ALPK2: variants seen among roughly 807,000 people sequenced by gnomAD.
ALPK2 encodes alpha kinase 2.
ALPK2 carries 127 observed loss-of-function variants against 163.1 expected under a neutral mutation model. That is an observed-to-expected ratio of 0.78 (90% CI 0.67 to 0.90). ALPK2 has a LOEUF of 0.90. Ranked by LOEUF, ALPK2 falls within the 40% of genes least tolerant of loss-of-function variation. The pLI is 0.00. For synonymous variants in ALPK2, 953 were observed against 959.1 expected (o/e 0.99, Z 0.12); for missense variants, 2,360 against 2,589.6 (o/e 0.91, Z 1.92).
intron 8 of ALPK2, among the ~76,000 whole-genome samples, chr18:58,519,872 G>C (rs1175796888): frequency 6.6e-6 from 1 of 152,180 alleles, no homozygotes; most frequent in East Asian, 1.9e-4. Flanking sequence ...CGTCCTCTTG[G>C]TTAGAGTTTG....
intron 12 of ALPK2, among the ~76,000 whole-genome samples, chr18:58,497,667 C>G (rs2051407733): frequency 6.6e-6 from 1 of 151,962 alleles, no homozygotes; most frequent in Non-Finnish European, 1.5e-5. Flanking sequence ...TCACTGCATT[C>G]AATTGCAAAA....
intron 2 of ALPK2, among the ~76,000 whole-genome samples, chr18:58,607,979 C>T (rs191621735): frequency 1.6e-4 from 24 of 152,300 alleles, no homozygotes; most frequent in Admixed American, 1.3e-4. Flanking sequence ...CAGTGCTACA[C>T]CTAACCCAGC....
In ALPK2 at chr18:58,579,708, T is replaced by TA. The variant is rs756508755; in HGVS notation, c.1067dup (p.Leu356PhefsTer6). 15 of 1,614,096 alleles carry TA rather than the reference T, an allele frequency of 9.3e-6. No homozygotes were observed. The African/African-American group carries it at 1.3e-4, about 14-fold the overall frequency. Reference sequence around the variant, plus strand: ...CCATCTCTTCGTCATCGCTTTCTAATAAAAAAACATGCTCAGTCCCCAGCA... The same window carrying TA: ...CCATCTCTTCGTCATCGCTTTCTAATAAAAAAAACATGCTCAGTCCCCAGCA... On this transcript the variant is annotated frameshift_variant, in exon 4 of 13. Coordinates refer to ENST00000361673, the MANE Select transcript of ALPK2 (RefSeq NM_052947.4). LOFTEE classifies it high-confidence loss of function.
intron 6 of ALPK2, among the ~76,000 whole-genome samples, chr18:58,524,869 G>A (rs936536817): frequency 4.1e-5 from 6 of 147,520 alleles, no homozygotes; most frequent in South Asian, 2.1e-4. Flanking sequence ...TATGGTTCCC[G>A]CCCTCAAGTC....
chr18:58,535,062 C>T lies in ALPK2; in HGVS notation c.5125G>A (p.Glu1709Lys). 1.2e-6 allele frequency: 2 copies of T among 1,614,158 alleles called. No individual in the cohort carries two copies. The highest frequency in any genetic ancestry group is 8.5e-7 in the Non-Finnish European group (1 of 1,180,016). The change falls in exon 5 of 13, where the codon GAG becomes AAG. Residue 1709 changes from glutamate (E) to lysine (K), a missense_variant. Glu to Lys is a moderately conservative substitution (Grantham distance 56). Coordinates refer to ENST00000361673, the MANE Select transcript of ALPK2 (RefSeq NM_052947.4). Reference sequence around the variant, plus strand: ...GCTTCTGGCTTCCTCTTGACCTCCTCTGACCCCGTCACTGCTGTGAGGGTC... The same window carrying T: ...GCTTCTGGCTTCCTCTTGACCTCCTTTGACCCCGTCACTGCTGTGAGGGTC... ...PGTLTAVTGS[E>K]EVKRKPEAPG...
intron 1 of ALPK2, among the ~76,000 whole-genome samples, chr18:58,612,427 G>A (rs1443163366): frequency 6.6e-6 from 1 of 152,202 alleles, no homozygotes; most frequent in Non-Finnish European, 1.5e-5. Flanking sequence ...CCTAGGGGAA[G>A]GCAGGCACTA....
chr18:58,537,854 G>C lies in ALPK2; in HGVS notation c.2333C>G (p.Ser778Cys), dbSNP rs765010103. 7 of 1,614,156 alleles carry C rather than the reference G, an allele frequency of 4.3e-6. No homozygotes were observed. In the South Asian group the frequency reaches 6.6e-5, roughly 15 times the overall value. Reference protein sequence around the residue: ...FREPVAVSVASPEPTDTALTL... With the variant: ...FREPVAVSVACPEPTDTALTL... The stretch of plus-strand genomic sequence containing the variant: ...GAGGGCAGTATCTGTGGGTTCAGGG[G>C]AAGCAACAGAGACAGCCACAGGCTC... Residue 778 changes from serine to cysteine, a missense_variant, in exon 5 of 13, where the codon TCC (serine) becomes TGC (cysteine). Physicochemically the swap from Ser to Cys is moderately radical, Grantham distance 112. Transcript: ENST00000361673.
Position 58,504,137 on chromosome 18 carries a change from A to G in ALPK2, c.6041T>C (p.Ile2014Thr). The change falls in exon 11 of 13, where the codon ATT becomes ACT. Residue 2014 changes from isoleucine to threonine, a missense_variant. Ile to Thr is a moderately conservative substitution (Grantham distance 89, BLOSUM62 -1). Coordinates refer to ENST00000361673, the MANE Select transcript of ALPK2 (RefSeq NM_052947.4). The stretch of plus-strand genomic sequence containing the variant: ...GTTCTCAGGCCGATGGATAAGAAAA[A>G]TAGGAATGATCCTGGCAGGGAAGAG... ...GFGEVPEIIP[I>T]FLIHRPENNI... is the part of the protein sequence containing the mutation. The G allele has an allele frequency of 1.2e-6, 2 of 1,614,016 alleles. No individual in the cohort carries two copies. The highest frequency in any genetic ancestry group is 1.6e-4 in the Middle Eastern group (1 of 6,062).
Position 58,536,653 on chromosome 18 carries a change from G to A in ALPK2, c.3534C>T (p.Ser1178=), listed in dbSNP as rs1338857594. The change falls in exon 5 of 13, where the codon AGC becomes AGT. Residue 1178 remains serine (S), a synonymous_variant. Transcript: ENST00000361673. ...AGCGCTGCCCTGCTCCTTCCCTAGAGCTTGCGGGTGAGTGGGCCGTGGGCA... is the reference window on the plus strand; with the variant it reads ...AGCGCTGCCCTGCTCCTTCCCTAGAACTTGCGGGTGAGTGGGCCGTGGGCA... ...NLVPTAHSPA[S]SREGAGQRSG... 1.9e-6 allele frequency: 3 copies of A among 1,614,166 alleles called. No individual in the cohort carries two copies. In the South Asian group the frequency reaches 3.3e-5, roughly 18 times the overall value.
chr18:58,527,036 G>A (rs184507235), intron 6 of ALPK2, among the ~76,000 whole-genome samples: 46 of 151,302 alleles, frequency 3.0e-4, no homozygotes, highest in Non-Finnish European at 1.9e-4. Flanking sequence ...ATGTATTTCC[G>A]CATTCCTTTG....
At chr18:58,613,448 A>T (rs756231932) in intron 1 of ALPK2, among the ~76,000 whole-genome samples, 4 of 152,132 alleles carry the variant, frequency 2.6e-5, no homozygotes, top group Admixed American at 6.5e-5. Context: ...TCATCCCAGC[A>T]CTTTGGGAGG....
At position 58,482,060 on chromosome 18, in the gene ALPK2, A is replaced by G. The variant is rs773249854; in HGVS notation, c.6297-21T>C. ...TGTACCTGTGAGTTTGGGTGGAAGG[A>G]AACATAGCTTTTAAAAACAGGACAC... On this transcript the variant is annotated intron_variant, in intron 12 of 12. Transcript: ENST00000361673. The G allele has an allele frequency of 3.2e-6, 5 of 1,580,198 alleles. No individual in the cohort carries two copies. In the South Asian group the frequency reaches 5.6e-5, roughly 18 times the overall value.
intron 3 of ALPK2, among the ~76,000 whole-genome samples, chr18:58,595,494 T>C (rs922425335): frequency 5.3e-5 from 8 of 152,180 alleles, no homozygotes; most frequent in African/African-American, 1.7e-4. Context: ...TGAGATGCAG[T>C]GATTAACATA....
intron 5 of ALPK2, among the ~76,000 whole-genome samples, chr18:58,533,150 G>A (rs988077598): frequency 2.0e-5 from 3 of 152,224 alleles, no homozygotes; most frequent in Non-Finnish European, 2.9e-5. Flanking sequence ...CCCAGAAGGC[G>A]GCATGCTCGG....
intron 4 of ALPK2, among the ~76,000 whole-genome samples, chr18:58,554,308 A>G (rs2051777695): frequency 6.6e-6 from 1 of 152,170 alleles, no homozygotes; most frequent in Non-Finnish European, 1.5e-5. Flanking sequence ...CCCAGCACAG[A>G]GTTGGTTCAG....
At chr18:58,557,630 A>T (rs1490989202) in intron 4 of ALPK2, among the ~76,000 whole-genome samples, 1 of 151,378 alleles carries the variant, frequency 6.6e-6, no homozygotes, top group Non-Finnish European at 1.5e-5. Flanking sequence ...AATTACGTAT[A>T]AACTATAGTG....
intron 8 of ALPK2, among the ~76,000 whole-genome samples, chr18:58,521,007 C>A (rs894156154): frequency 6.6e-6 from 1 of 152,264 alleles, no homozygotes; most frequent in South Asian, 2.1e-4. Context: ...AAGAGTGAGA[C>A]CCTGTCTCAA....
At chr18:58,497,882 C>T (rs1028804180) in intron 12 of ALPK2, among the ~76,000 whole-genome samples, 167 bp downstream of exon 12, 1 of 152,162 alleles carries the variant, frequency 6.6e-6, no homozygotes, top group Non-Finnish European at 1.5e-5. Context: ...GAACAAAGTC[C>T]ATAAATATTT....
In ALPK2 at chr18:58,496,541, C is replaced by T. The variant is rs573279125; in HGVS notation, c.6296+1508G>A. On this transcript the variant is annotated intron_variant, in intron 12 of 12. Transcript: ENST00000361673. ...CTGACCTGGAGGTTAAAAGAAAGAGCGATCCCCTTCCTACTTTTTCAGATT... is the reference window on the plus strand; with the variant it reads ...CTGACCTGGAGGTTAAAAGAAAGAGTGATCCCCTTCCTACTTTTTCAGATT... Among the ~76,000 whole-genome samples, 6 of 152,332 alleles carry T rather than the reference C, an allele frequency of 3.9e-5. 1 individual carries two copies. The highest frequency in any genetic ancestry group is 3.9e-4 in the Admixed American group (6 of 15,300).
Sources: allele counts gnomAD v4.1 joint callset (sites outside exome capture counted in the v4.1 genomes callset), GRCh38; gene constraint gnomAD v4.1.1; transcripts MANE v1.5; gene names NCBI Gene and HGNC (gene_info 2026-07-23, HGNC 2026-07-21).